Variants in CASD1 observed in about 807,000 individuals in gnomAD.
CASD1 encodes N-acetylneuraminate (7)9-O-acetyltransferase.
In CASD1, 41 loss-of-function variants were observed where a neutral mutation model predicts 100.0. The observed-to-expected ratio is 0.41, with a 90% CI of 0.32 to 0.53. The LOEUF (loss-of-function observed/expected upper bound fraction) is 0.53. CASD1 is among the 20% of genes least tolerant of loss of function. CASD1 has a pLI of 0.25. For synonymous variants in CASD1, 321 were observed against 315.6 expected (o/e 1.02, Z -0.18); for missense variants, 774 against 948.7 (o/e 0.82, Z 2.42).
chr7:94,566,654 A>ATG, the CASD1 span, among the ~76,000 whole-genome samples: 6 of 152,326 alleles, frequency 3.9e-5, 1 homozygote, highest in Middle Eastern at 6.8e-3. Flanking sequence ...TCAGGAAGCA[A>ATG]CACTGCTTAA....
At chr7:94,610,374 G>A in the CASD1 span, among the ~76,000 whole-genome samples, 3 of 152,168 alleles carry the variant, frequency 2.0e-5, no homozygotes, top group African/African-American at 7.2e-5. Flanking sequence ...ATAGTGAGTT[G>A]TCAGTGTAGG....
At chr7:94,585,232 C>T in the CASD1 span, 1 of 412,790 alleles carries the variant, frequency 2.4e-6, no homozygotes, top group Non-Finnish European at 4.3e-6. Context: ...CATTAGGCTT[C>T]ATTAATAATA....
At chr7:94,550,095 G>A (rs1364903184) in intron 14 of CASD1, among the ~76,000 whole-genome samples, 6 of 152,098 alleles carry the variant, frequency 3.9e-5, no homozygotes, top group Admixed American at 2.0e-4. Context: ...ATGCAATATA[G>A]ATTTAGTGGT....
chr7:94,625,020 T>G, the CASD1 span: 18 of 152,168 alleles, frequency 1.2e-4, no homozygotes, highest in Non-Finnish European at 2.4e-4. Flanking sequence ...AATGAGACAT[T>G]TAACTGCTGT....
At chr7:94,607,390 G>A in the CASD1 span, among the ~76,000 whole-genome samples, 1 of 152,010 alleles carries the variant, frequency 6.6e-6, no homozygotes, top group Non-Finnish European at 1.5e-5. Context: ...ATAAACACAG[G>A]TGCAAAAATC....
At chr7:94,545,736 A>AT in intron 12 of CASD1, 35 bp downstream of exon 12, 1 of 1,401,728 alleles carries the variant, frequency 7.1e-7, no homozygotes, top group Non-Finnish European at 9.7e-7. Flanking sequence ...TAGTAAATAT[A>AT]TTTTTTCAAC....
chr7:94,619,081 C>T, the CASD1 span: 3 of 730,030 alleles, frequency 4.1e-6, no homozygotes, highest in Non-Finnish European at 7.4e-6. Flanking sequence ...AATATTAATA[C>T]TGACTTTAAA....
At chr7:94,619,096 T>A in the CASD1 span, 29 of 687,702 alleles carry the variant, frequency 4.2e-5, no homozygotes, top group South Asian at 4.5e-4. Context: ...TTTAAAGGCT[T>A]TCTGTTTAAC....
At chr7:94,511,349 A>G (rs959022538) in intron 1 of CASD1, among the ~76,000 whole-genome samples, 1 of 152,200 alleles carries the variant, frequency 6.6e-6, no homozygotes, top group Non-Finnish European at 1.5e-5. Flanking sequence ...CTGTATTCTC[A>G]TCCCAGGAGA....
At chr7:94,586,148 T>C in the CASD1 span, among the ~76,000 whole-genome samples, 2 of 148,610 alleles carry the variant, frequency 1.3e-5, 1 homozygote, top group South Asian at 4.2e-4. Flanking sequence ...CAAATAAAAT[T>C]ACTTGGTATC....
chr7:94,533,687 C>A lies in CASD1; in HGVS notation c.513C>A (p.Ile171=). 1 of 1,595,508 alleles carries A rather than the reference C, an allele frequency of 6.3e-7. No homozygotes were observed. ...TTTGTACTTCTTTTTAGTGGTCCAT[C>A]AAGATTCACAATGGTAGCAGTGAAG... is the stretch of plus-strand genomic sequence containing the variant. The part of the protein sequence containing the change: ...VIVAGAATWS[I]KIHNGSSEAL... Residue 171 remains isoleucine, a synonymous_variant, in exon 7 of 18, where the codon ATC becomes ATA. Coordinates refer to ENST00000297273, the MANE Select transcript of CASD1 (RefSeq NM_022900.5).
At chr7:94,519,235 CTCA>C (rs1794130102) in intron 3 of CASD1, among the ~76,000 whole-genome samples, 1 of 151,956 alleles carries the variant, frequency 6.6e-6, no homozygotes, top group African/African-American at 2.4e-5. Context: ...GGTGAATTAT[CTCA>C]TCATATCTTC....
chr7:94,561,635 C>T (rs1169188712), downstream of CASD1, among the ~76,000 whole-genome samples: 3 of 151,926 alleles, frequency 2.0e-5, no homozygotes, highest in Non-Finnish European at 2.9e-5. Flanking sequence ...CTCGGTCAAA[C>T]TCTAGAGTAT....
the CASD1 span, among the ~76,000 whole-genome samples, chr7:94,603,002 G>A: frequency 6.6e-6 from 1 of 152,242 alleles, no homozygotes; most frequent in Non-Finnish European, 1.5e-5. Flanking sequence ...TCCACTATCT[G>A]TGCTCATTAG....
chr7:94,510,229 C>G lies in CASD1; in HGVS notation c.133+12C>G, dbSNP rs1304358582. 2.2e-5 allele frequency: 32 copies of G among 1,484,230 alleles called. No individual in the cohort carries two copies. Among genetic ancestry groups the G allele is most frequent in the Non-Finnish European group, 2.7e-5 (30 of 1,111,058 alleles). The allele number at this position is 1,484,230 out of a possible 1,614,324, so 91.9% of individuals were successfully genotyped here. On this transcript the variant is annotated intron_variant, in intron 1 of 17. Transcript: ENST00000297273. ...CCGCCGCTACCGAGGTGAGCGGGCC[C>G]TCCCCTCTGCCCGGGCAGGCCGTGG...
In CASD1 at chr7:94,545,559, C is replaced by G. The variant is rs1795635693; in HGVS notation, c.1491C>G (p.Leu497=). 1.2e-6 allele frequency: 2 copies of G among 1,601,814 alleles called. No homozygotes were observed. Among genetic ancestry groups the G allele is most frequent in the African/African-American group, 1.3e-5 (1 of 74,508 alleles). The change falls in exon 12 of 18, where the codon CTC becomes CTG. Residue 497 remains leucine, a synonymous_variant. Coordinates refer to ENST00000297273, the MANE Select transcript of CASD1 (RefSeq NM_022900.5). ...IYRVCQVLFR[L]NFLVVVLCIV... ...CTTTTCAATAGGTTTTATTTCGTCT[C>G]AATTTCCTGGTAGTGGTGTTATGTA... is the stretch of plus-strand genomic sequence containing the variant.
downstream of CASD1, among the ~76,000 whole-genome samples, chr7:94,558,415 T>C (rs1796278210): frequency 6.6e-6 from 1 of 152,208 alleles, no homozygotes; most frequent in Non-Finnish European, 1.5e-5. Context: ...GGTAGTATTG[T>C]ACTTACAGAT....
chr7:94,538,838 C>T (rs2116343327), intron 9 of CASD1, 129 bp from the exon 10 acceptor site: 2 of 455,536 alleles, frequency 4.4e-6, no homozygotes, highest in East Asian at 6.8e-5. Context: ...CTGTTTCTCA[C>T]CATCAAGGTT....
the CASD1 span, among the ~76,000 whole-genome samples, chr7:94,575,698 A>G: frequency 1.3e-5 from 2 of 152,158 alleles, no homozygotes; most frequent in African/African-American, 4.8e-5. Context: ...GTTTGTGTTT[A>G]TCTGGGAATG....
Sources: gnomAD v4.1 joint callset for allele counts (sites outside exome capture counted in the v4.1 genomes callset) on GRCh38, gnomAD v4.1.1 for gene constraint, MANE v1.5 for transcripts, NCBI Gene and HGNC (gene_info 2026-07-23, HGNC 2026-07-21) for gene names.